Variants in KCTD16 observed in about 807,000 individuals in gnomAD.
The protein encoded by KCTD16 is potassium channel tetramerization domain containing 16, also known as BTB/POZ domain-containing protein KCTD16.
In KCTD16, 13 loss-of-function variants were observed where a neutral mutation model predicts 33.2. The observed-to-expected ratio is 0.39, with a 90% CI of 0.25 to 0.62. KCTD16 has a LOEUF of 0.62. Ranked by LOEUF, KCTD16 falls within the 20% of genes least tolerant of loss-of-function variation. The probability of loss-of-function intolerance (pLI) is 0.50; values close to 1 mark genes in which losing one functional copy is unlikely to be tolerated. For synonymous variants in KCTD16, 197 were observed against 195.3 expected (o/e 1.01, Z -0.07); for missense variants, 441 against 525.1 (o/e 0.84, Z 1.57).
intron 3 of KCTD16, among the ~76,000 whole-genome samples, chr5:144,342,525 C>G (rs1274896728): frequency 6.6e-6 from 1 of 152,190 alleles, no homozygotes; most frequent in Non-Finnish European, 1.5e-5. Flanking sequence ...CATCTGCACA[C>G]AGGGACAATT....
At chr5:144,359,449 G>A (rs929705638) in intron 3 of KCTD16, among the ~76,000 whole-genome samples, 1 of 151,972 alleles carries the variant, frequency 6.6e-6, no homozygotes, top group Non-Finnish European at 1.5e-5. Flanking sequence ...GAGTTTTGGG[G>A]ATTTTTACAT....
Position 144,475,711 on chromosome 5 carries a change from T to G in KCTD16, c.*1597T>G, listed in dbSNP as rs543896990. On this transcript the variant is annotated 3_prime_UTR_variant, in exon 4 of 4. Transcript: ENST00000512467. ...TGTGTATCACAGGTAATAAAGGCAA[T>G]TGGATGATATCTGTAGGAGGAAAAC... is the stretch of plus-strand genomic sequence containing the variant. 6.5e-6 allele frequency: 1 copy of G among 152,766 alleles called. No individual in the cohort carries two copies. Among genetic ancestry groups the G allele is most frequent in the East Asian group, 1.9e-4 (1 of 5,182 alleles). The allele number at this position is 152,766 out of a possible 1,614,324, so 9.5% of individuals were successfully genotyped here. A position where few individuals can be genotyped will look rare whatever the true frequency, so the allele number is the denominator to read the frequency against.
chr5:144,327,558 G>A (rs1317065123), intron 3 of KCTD16, among the ~76,000 whole-genome samples: 2 of 151,902 alleles, frequency 1.3e-5, no homozygotes, highest in East Asian at 3.9e-4. Context: ...GTGTACCTCA[G>A]TCTCCCTTTC....
chr5:144,358,467 T>C (rs1293734940), intron 3 of KCTD16, among the ~76,000 whole-genome samples: 1 of 152,198 alleles, frequency 6.6e-6, no homozygotes, highest in Non-Finnish European at 1.5e-5. Flanking sequence ...ATTTATTGAA[T>C]GATAGTATAT....
chr5:144,344,372 A>ACTAAT, intron 3 of KCTD16, among the ~76,000 whole-genome samples: 1 of 134,428 alleles, frequency 7.4e-6, no homozygotes, highest in Non-Finnish European at 1.6e-5. Flanking sequence ...ATCTAATTAA[A>ACTAAT]GAGCTTCTGC....
intron 2 of KCTD16, among the ~76,000 whole-genome samples, chr5:144,203,298 A>G (rs1433662150): frequency 1.3e-5 from 2 of 152,020 alleles, no homozygotes; most frequent in Non-Finnish European, 1.5e-5. Context: ...TTTTAAAAAC[A>G]TGTTTAGTAA....
chr5:144,268,286 G>A (rs564288959), intron 3 of KCTD16, among the ~76,000 whole-genome samples: 4 of 152,276 alleles, frequency 2.6e-5, no homozygotes, highest in South Asian at 2.1e-4. Context: ...GGCCACAGAG[G>A]TATAGGCAGC....
intron 3 of KCTD16, among the ~76,000 whole-genome samples, chr5:144,222,865 C>A (rs1753805133): frequency 6.6e-6 from 1 of 152,166 alleles, no homozygotes; most frequent in Admixed American, 6.5e-5. Flanking sequence ...CGGCGCTGTT[C>A]ACAATAGCAA....
At position 144,474,599 on chromosome 5, in the gene KCTD16, A is replaced by G. The variant is rs1312304157; in HGVS notation, c.*485A>G. ...GGCAGATTTATATGACTTTTCACTC[A>G]AATCTATATGTGCCAGTTTATATTG... is the stretch of plus-strand genomic sequence containing the variant. On this transcript the variant is annotated 3_prime_UTR_variant, in exon 4 of 4. Transcript: ENST00000512467. 6.1e-5 allele frequency: 10 copies of G among 163,490 alleles called. No homozygotes were observed. Among genetic ancestry groups the G allele is most frequent in the Admixed American group, 5.3e-4 (9 of 17,040 alleles). 10.1% of individuals were successfully genotyped at this position (163,490 alleles called of 1,614,324 possible). A position where few individuals can be genotyped will look rare whatever the true frequency, so the allele number is the denominator to read the frequency against.
intron 3 of KCTD16, among the ~76,000 whole-genome samples, chr5:144,265,682 A>G (rs1224469062): frequency 2.0e-5 from 3 of 152,364 alleles, no homozygotes; most frequent in Admixed American, 6.5e-5. Context: ...AACCATCATC[A>G]TAAAAGCTAC....
intron 3 of KCTD16, among the ~76,000 whole-genome samples, chr5:144,344,515 A>G (rs1752732786): frequency 6.6e-6 from 1 of 151,836 alleles, no homozygotes. Flanking sequence ...CAAGAAAAAA[A>G]CAAACAACCC....
chr5:144,342,754 T>A (rs1752680469), intron 3 of KCTD16, among the ~76,000 whole-genome samples: 1 of 152,242 alleles, frequency 6.6e-6, no homozygotes, highest in Non-Finnish European at 1.5e-5. Flanking sequence ...ATATGTCCCA[T>A]CAATACCTAG....
At chr5:144,299,898 T>TAAA (rs66821172) in intron 3 of KCTD16, among the ~76,000 whole-genome samples, 26 of 128,874 alleles carry the variant, frequency 2.0e-4, no homozygotes, top group African/African-American at 7.4e-4. Context: ...CAGAATCATT[T>TAAA]AAAAAAAAAA....
intron 3 of KCTD16, among the ~76,000 whole-genome samples, chr5:144,271,579 A>G (rs1221336031): frequency 6.6e-6 from 1 of 152,170 alleles, no homozygotes; most frequent in African/African-American, 2.4e-5. Context: ...TTTTTCTCTT[A>G]AAGCAGGAAC....
chr5:144,244,032 C>T (rs778570514), intron 3 of KCTD16, among the ~76,000 whole-genome samples: 3 of 152,068 alleles, frequency 2.0e-5, no homozygotes, highest in Non-Finnish European at 4.4e-5. Context: ...CATGAGCCAC[C>T]GCGTCCAGCC....
chr5:144,398,708 A>ACTCTCTCTCTCTCTCTCTCTCTCTCTCT (rs367796082), intron 3 of KCTD16, among the ~76,000 whole-genome samples: 6 of 145,448 alleles, frequency 4.1e-5, no homozygotes, highest in African/African-American at 1.5e-4. Flanking sequence ...ACACACACAC[A>ACTCTCTCTCTCTCTCTCTCTCTCTCTCT]CTCTCTCTCT....
intron 3 of KCTD16, among the ~76,000 whole-genome samples, chr5:144,300,966 G>A (rs892052745): frequency 3.3e-5 from 5 of 152,092 alleles, no homozygotes; most frequent in Admixed American, 6.6e-5. Context: ...TTACGGGCAC[G>A]GCACAGTGGC....
intron 3 of KCTD16, among the ~76,000 whole-genome samples, chr5:144,414,670 T>C (rs540738226): frequency 1.3e-5 from 2 of 152,256 alleles, no homozygotes; most frequent in African/African-American, 4.8e-5. Flanking sequence ...GTTTTATTTA[T>C]CACAATGCAG....
chr5:144,225,457 A>G (rs946058287), intron 3 of KCTD16, among the ~76,000 whole-genome samples: 2 of 152,148 alleles, frequency 1.3e-5, no homozygotes, highest in Admixed American at 6.5e-5. Flanking sequence ...ACAGAATTTC[A>G]TAGTACAAAA....
Sources: gnomAD v4.1 joint callset for allele counts (sites outside exome capture counted in the v4.1 genomes callset) on GRCh38, gnomAD v4.1.1 for gene constraint, MANE v1.5 for transcripts, NCBI Gene and HGNC (gene_info 2026-07-23, HGNC 2026-07-21) for gene names.